Variants in HHLA1 observed in about 807,000 individuals in gnomAD.
The protein encoded by HHLA1 is HERV-H LTR-associating protein 1.
HHLA1 carries 72 observed loss-of-function variants against 69.9 expected under a neutral mutation model. The observed-to-expected ratio is 1.03, with a 90% CI of 0.85 to 1.25. HHLA1 has a LOEUF of 1.25. Ranked by LOEUF, HHLA1 falls within the 50% of genes most tolerant of loss-of-function variation. The pLI, the probability that HHLA1 is intolerant of heterozygous loss-of-function variation, is 0.00. For synonymous variants in HHLA1, 252 were observed against 233.2 expected, an observed-to-expected ratio of 1.08 and a Z score of -0.73; for missense variants, 685 against 642.2, an observed-to-expected ratio of 1.07 and a Z score of -0.72.
chr8:132,087,976 T>G, intron 8 of HHLA1, 75 bp from the exon 9 acceptor site: 1 of 1,177,422 alleles, frequency 8.5e-7, no homozygotes, highest in East Asian at 2.6e-5. Context: ...AAATGAAAAT[T>G]AAGTTGAAAG....
At chr8:132,099,744 C>T (rs1824083817) in intron 4 of HHLA1, among the ~76,000 whole-genome samples, 2 of 151,972 alleles carry the variant, frequency 1.3e-5, no homozygotes, top group African/African-American at 4.8e-5. Flanking sequence ...ATCCCAGCTA[C>T]TTGGGAGGCT....
chr8:132,100,402 C>T (rs1824093375), intron 3 of HHLA1, among the ~76,000 whole-genome samples: 1 of 152,080 alleles, frequency 6.6e-6, no homozygotes, highest in South Asian at 2.1e-4. Context: ...CACTCTTTAA[C>T]CAAGTAGGAA....
chr8:132,104,303 G>T, intron 2 of HHLA1, 136 bp from the exon 3 acceptor site: 1 of 632,600 alleles, frequency 1.6e-6, no homozygotes, highest in Non-Finnish European at 2.8e-6. Context: ...CCCGCATCTA[G>T]TTTGTTCATT....
intron 10 of HHLA1, among the ~76,000 whole-genome samples, chr8:132,082,376 G>C (rs1488690788): frequency 6.6e-6 from 1 of 152,206 alleles, no homozygotes; most frequent in African/African-American, 2.4e-5. Context: ...GGACAGAAAG[G>C]CTACAGGGTG....
chr8:132,102,593 A>G (rs715258), intron 3 of HHLA1, among the ~76,000 whole-genome samples: 30,387 of 152,216 alleles, frequency 0.2, 3,598 homozygotes, highest in Middle Eastern at 0.31. Context: ...ACCAGCTGCT[A>G]TAAGATCTGC....
chr8:132,102,454 A>G (rs547429007), intron 3 of HHLA1, among the ~76,000 whole-genome samples: 17 of 152,340 alleles, frequency 1.1e-4, no homozygotes, highest in Admixed American at 2.0e-4. Context: ...TTATGTCACA[A>G]AAGGAAGTCT....
chr8:132,101,139 A>G (rs928910941), intron 3 of HHLA1: 40 of 1,521,272 alleles, frequency 2.6e-5, no homozygotes, highest in Non-Finnish European at 3.3e-5. Flanking sequence ...TGTATTTTAC[A>G]TTTTCATTTT....
rs370866189 is a variant in HHLA1 at position 132,065,564 on chromosome 8, G to A, written c.1552+322C>T. ...CCCAAAGTGCTGGGATTACAGGCGT[G>A]AGCCACCGCGCCCAGCCTTTTATTT... is the stretch of plus-strand genomic sequence containing the variant. On this transcript the variant is annotated intron_variant, in intron 16 of 16. Transcript: ENST00000414222. Among the ~76,000 whole-genome samples, 108 of 152,326 alleles carry A rather than the reference G, an allele frequency of 7.1e-4. 1 individual carries two copies. In the South Asian group the frequency reaches 0.021, roughly 30 times the overall value.
At position 132,108,849 on chromosome 8, in the gene HHLA1, A is replaced by T. The variant is rs1220582743; in HGVS notation, c.-22+2253T>A. ...CTCACAAAAATAAACCTTAGCATCC[A>T]TTGGTTTCCCCATATATTTCCTTCC... On this transcript the variant is annotated intron_variant, in intron 1 of 16. Coordinates refer to ENST00000414222, the MANE Select transcript of HHLA1 (RefSeq NM_001145095.3). Among the ~76,000 whole-genome samples, 5 of 152,290 alleles carry T rather than the reference A, an allele frequency of 3.3e-5. No homozygotes were observed. The East Asian group carries it at 9.7e-4, about 30-fold the overall frequency.
At chr8:132,080,735 G>T (rs1162218564) in intron 10 of HHLA1, 1 of 152,454 alleles carries the variant, frequency 6.6e-6, no homozygotes, top group Non-Finnish European at 1.5e-5. Context: ...GTGTTGAAGT[G>T]TTGGGGTGGC....
At position 132,100,179 on chromosome 8, in the gene HHLA1, T is replaced by G. The variant is rs777703675; in HGVS notation, c.140-45A>C. On this transcript the variant is annotated intron_variant, in intron 3 of 16. Transcript: ENST00000414222. Reference sequence around the variant, plus strand: ...CATGAGAAAAATGTGAGTGGTCCAGTTCCTACCCCCAGGAATGGAAGAAGC... The same window carrying G: ...CATGAGAAAAATGTGAGTGGTCCAGGTCCTACCCCCAGGAATGGAAGAAGC... 1.1e-4 allele frequency: 159 copies of G among 1,391,256 alleles called. No homozygotes were observed. In the Admixed American group the frequency reaches 2.7e-3, roughly 23 times the overall value. 86.2% of individuals were successfully genotyped at this position (1,391,256 alleles called of 1,614,324 possible).
chr8:132,098,024 C>T (rs1586734198), intron 5 of HHLA1, among the ~76,000 whole-genome samples: 1 of 152,188 alleles, frequency 6.6e-6, no homozygotes, highest in South Asian at 2.1e-4. Flanking sequence ...TACTCCTTCA[C>T]CCAATAGAAT....
intron 4 of HHLA1, 143 bp downstream of exon 4, chr8:132,099,932 C>T: frequency 3.1e-6 from 2 of 635,322 alleles, no homozygotes; most frequent in South Asian, 2.0e-5. Flanking sequence ...CAAACATTGT[C>T]TTCTTCAACT....
Position 132,105,174 on chromosome 8 carries a change from C to A in HHLA1, c.79+13G>T. The A allele has an allele frequency of 1.3e-6, 2 of 1,546,472 alleles. No individual in the cohort carries two copies. Among genetic ancestry groups the A allele is most frequent in the Non-Finnish European group, 1.8e-6 (2 of 1,142,068 alleles). ...TACAGAACAGACACTTGCAGAACTC[C>A]AGCTAGACCCACCTGTGTTCCAAAG... On this transcript the variant is annotated intron_variant, in intron 2 of 16. Transcript: ENST00000414222.
At chr8:132,103,982 G>T (rs1272113429) in intron 3 of HHLA1, 126 bp downstream of exon 3, 3 of 659,780 alleles carry the variant, frequency 4.5e-6, no homozygotes, top group African/African-American at 3.6e-5. Context: ...AACCATTGTT[G>T]TGACTATTAG....
chr8:132,107,135 G>A, intron 1 of HHLA1, among the ~76,000 whole-genome samples: 1 of 151,882 alleles, frequency 6.6e-6, no homozygotes, highest in East Asian at 1.9e-4. Flanking sequence ...TCAGAACTCA[G>A]CATCATACCA....
In HHLA1 at chr8:132,078,171, AACACACACACACACACAC is replaced by A. The variant is rs34612835; in HGVS notation, c.926-218_926-201del. 5.5e-5 allele frequency among the ~76,000 whole-genome samples: 8 copies of A among 144,508 alleles called. No individual in the cohort carries two copies. In the East Asian group the frequency reaches 1.2e-3, roughly 22 times the overall value. The allele number at this position is 144,508 out of a possible 152,430, so 94.8% of individuals were successfully genotyped here. On this transcript the variant is annotated intron_variant, in intron 11 of 16. Transcript: ENST00000414222. ...AGCATTGTTTTCCTAAGCACCAATA[AACACACACACACACACAC>A]ACACACACACACACACACACACAAC... is the stretch of plus-strand genomic sequence containing the variant.
At chr8:132,086,302 G>A (rs1306839995) in intron 10 of HHLA1, among the ~76,000 whole-genome samples, 1 of 152,142 alleles carries the variant, frequency 6.6e-6, no homozygotes, top group East Asian at 1.9e-4. Context: ...CAGAGCCTGT[G>A]TTGGATTTTG....
At chr8:132,084,247 C>G (rs1365570018) in intron 10 of HHLA1, among the ~76,000 whole-genome samples, 2 of 151,868 alleles carry the variant, frequency 1.3e-5, no homozygotes, top group African/African-American at 4.8e-5. Context: ...GGTGGAGGAG[C>G]GGAGGCTGAG....
Sources: gnomAD v4.1 joint callset for allele counts (sites outside exome capture counted in the v4.1 genomes callset) on GRCh38, gnomAD v4.1.1 for gene constraint, MANE v1.5 for transcripts, NCBI Gene and HGNC (gene_info 2026-07-23, HGNC 2026-07-21) for gene names.